SGK1: variants seen among roughly 807,000 people sequenced by gnomAD.
The protein encoded by SGK1 is serine/threonine-protein kinase Sgk1.
Under a neutral mutation model 64.2 loss-of-function variants are expected in SGK1, and 26 were observed. That is an observed-to-expected ratio of 0.40 (90% CI 0.30 to 0.56). The LOEUF (loss-of-function observed/expected upper bound fraction) is 0.56. Among genes scored for constraint, SGK1 ranks in the 20% least tolerant of loss-of-function variants. The pLI, the probability that SGK1 is intolerant of heterozygous loss-of-function variation, is 0.38. For synonymous variants in SGK1, 265 were observed against 239.7 expected, an observed-to-expected ratio of 1.11 and a Z score of -0.98; for missense variants, 519 against 645.6, an observed-to-expected ratio of 0.80 and a Z score of 2.12.
chr6:134,268,239 A>G lies in SGK1; in HGVS notation c.70-6091T>C, dbSNP rs187266585. 2.7e-3 allele frequency among the ~76,000 whole-genome samples: 412 copies of G among 152,314 alleles called. 1 individual carries two copies. Among genetic ancestry groups the G allele is most frequent in the African/African-American group, 9.2e-3 (381 of 41,578 alleles). On this transcript the variant is annotated intron_variant, in intron 1 of 13. Coordinates refer to ENST00000367858, the MANE Select transcript of SGK1 (RefSeq NM_001143676.3). ...TGAGTGGCTTTGGGAGCCCTTCATA[A>G]CAATGGCTGGAGGAGAGCTGCAGCA...
At chr6:134,282,519 G>GGC (rs1359729832) in intron 1 of SGK1, among the ~76,000 whole-genome samples, 1 of 151,648 alleles carries the variant, frequency 6.6e-6, no homozygotes, top group Non-Finnish European at 1.5e-5. Flanking sequence ...TGGGCATGGT[G>GGC]GCGCACACCT....
chr6:134,215,696 A>C (rs1336225135), intron 2 of SGK1, among the ~76,000 whole-genome samples: 2 of 151,360 alleles, frequency 1.3e-5, no homozygotes, highest in African/African-American at 4.9e-5. Flanking sequence ...GCCTGGCCAA[A>C]ATGGCAAAAC....
At position 134,170,186 on chromosome 6, in the gene SGK1, T is replaced by G; in HGVS notation, c.*82A>C. On this transcript the variant is annotated 3_prime_UTR_variant, in exon 14 of 14. Coordinates refer to ENST00000367858, the MANE Select transcript of SGK1 (RefSeq NM_001143676.3). ...GCAAATTCTCTTGTAAGATGTCCTGTCAGCTGGCGGCTCCACCAAAAGGCT... is the reference window on the plus strand; with the variant it reads ...GCAAATTCTCTTGTAAGATGTCCTGGCAGCTGGCGGCTCCACCAAAAGGCT... 1 of 1,196,460 alleles carries G rather than the reference T, an allele frequency of 8.4e-7. No homozygotes were observed. Among genetic ancestry groups the G allele is most frequent in the South Asian group, 1.5e-5 (1 of 67,096 alleles). 74.1% of individuals were successfully genotyped at this position (1,196,460 alleles called of 1,614,324 possible).
chr6:134,198,726 A>T (rs917536492), intron 3 of SGK1, among the ~76,000 whole-genome samples: 3,556 of 100,580 alleles, frequency 0.035, 5 homozygotes, highest in Middle Eastern at 0.059. Context: ...CTCTTTTTCT[A>T]TTTTTTTTTT....
chr6:134,170,487 G>C, intron 13 of SGK1, 52 bp from the exon 14 acceptor site: 1 of 1,527,094 alleles, frequency 6.5e-7, no homozygotes, highest in Non-Finnish European at 8.9e-7. Flanking sequence ...CTAGACACAG[G>C]ACAGGGAAAT....
intron 1 of SGK1, 126 bp from the exon 2 acceptor site, chr6:134,262,274 T>G: frequency 1.5e-6 from 1 of 646,778 alleles, no homozygotes; most frequent in Middle Eastern, 4.0e-4. Flanking sequence ...ACAACCTGTC[T>G]ATCTTTCAAA....
At chr6:134,199,286 T>C (rs1775644380) in intron 3 of SGK1, among the ~76,000 whole-genome samples, 1 of 152,098 alleles carries the variant, frequency 6.6e-6, no homozygotes, top group African/African-American at 2.4e-5. Flanking sequence ...TGGCCCGGCA[T>C]GGTGGCTCAC....
intron 3 of SGK1, chr6:134,176,102 T>A: frequency 1.8e-6 from 1 of 556,044 alleles, no homozygotes; most frequent in Non-Finnish European, 2.3e-6. Context: ...CGTGAGGAGG[T>A]AACAAGCGAA....
intron 1 of SGK1, among the ~76,000 whole-genome samples, chr6:134,287,444 CTT>C (rs761885493): frequency 3.3e-4 from 35 of 104,832 alleles, no homozygotes; most frequent in African/African-American, 8.2e-4. Flanking sequence ...GATAAGAAGG[CTT>C]TTTTTTTTTT....
intron 3 of SGK1, among the ~76,000 whole-genome samples, chr6:134,197,891 TAAAA>T (rs1459114317): frequency 3.5e-5 from 5 of 140,856 alleles, no homozygotes; most frequent in African/African-American, 1.4e-4. Flanking sequence ...TAAAATAAAA[TAAAA>T]TAAAATATAA....
intron 2 of SGK1, among the ~76,000 whole-genome samples, chr6:134,232,423 GAAAGAAAGAA>G (rs1776297214): frequency 4.3e-5 from 1 of 23,088 alleles, no homozygotes; most frequent in African/African-American, 1.6e-4. Context: ...GAGAAAGAAA[GAAAGAAAGAA>G]AGAAAGAAAG....
In SGK1 at chr6:134,317,843, G is replaced by T; in HGVS notation, c.-383C>A. The T allele has an allele frequency of 5.0e-6, 1 of 200,480 alleles. No individual in the cohort carries two copies. The highest frequency in any genetic ancestry group is 1.0e-5 in the Non-Finnish European group (1 of 99,204). 12.4% of individuals were successfully genotyped at this position (200,480 alleles called of 1,614,324 possible). On this transcript the variant is annotated 5_prime_UTR_variant, in exon 1 of 14. Coordinates refer to ENST00000367858, the MANE Select transcript of SGK1 (RefSeq NM_001143676.3). ...GCTGCTCTTCCGCGGCCGGCGCGGGGAGCGAGTCGCTCTTCTCCAGGTGAT... is the reference window on the plus strand; with the variant it reads ...GCTGCTCTTCCGCGGCCGGCGCGGGTAGCGAGTCGCTCTTCTCCAGGTGAT...
intron 2 of SGK1, among the ~76,000 whole-genome samples, chr6:134,227,123 G>T (rs1452541519): frequency 6.6e-6 from 1 of 151,980 alleles, no homozygotes; most frequent in African/African-American, 2.4e-5. Context: ...GCTCTGGCAT[G>T]TATGTCTTTA....
intron 2 of SGK1, among the ~76,000 whole-genome samples, chr6:134,252,508 A>G (rs1776619745): frequency 6.6e-6 from 1 of 152,108 alleles, no homozygotes; most frequent in Non-Finnish European, 1.5e-5. Flanking sequence ...TTAGCACAAG[A>G]AACAAATCTG....
At chr6:134,174,981 C>A (rs1250866101) in intron 3 of SGK1, 8 of 1,278,414 alleles carry the variant, frequency 6.3e-6, no homozygotes, top group Non-Finnish European at 8.3e-6. Context: ...CCGGCCGCCT[C>A]GCGGTTTGCT....
intron 2 of SGK1, among the ~76,000 whole-genome samples, chr6:134,243,665 G>A (rs56051417): frequency 0.032 from 4,875 of 152,160 alleles, 97 homozygotes; most frequent in Non-Finnish European, 0.037. Flanking sequence ...CACCGCGCCC[G>A]GCCATAACGT....
intron 1 of SGK1, among the ~76,000 whole-genome samples, chr6:134,302,963 C>G (rs1777480468): frequency 6.6e-6 from 1 of 152,044 alleles, no homozygotes; most frequent in South Asian, 2.1e-4. Flanking sequence ...CCATGTTGAC[C>G]AGGCTGATCT....
At chr6:134,238,792 T>C (rs939024549) in intron 2 of SGK1, among the ~76,000 whole-genome samples, 1 of 152,186 alleles carries the variant, frequency 6.6e-6, no homozygotes, top group Non-Finnish European at 1.5e-5. Context: ...AATGAGTTAC[T>C]CTGCAAAATG....
intron 1 of SGK1, among the ~76,000 whole-genome samples, chr6:134,302,974 C>T (rs1270196252): frequency 6.6e-6 from 1 of 152,002 alleles, no homozygotes; most frequent in Non-Finnish European, 1.5e-5. Context: ...AGGCTGATCT[C>T]GAAATTCTAA....
Sources: gnomAD v4.1 joint callset for allele counts (sites outside exome capture counted in the v4.1 genomes callset) on GRCh38, gnomAD v4.1.1 for gene constraint, MANE v1.5 for transcripts, NCBI Gene and HGNC (gene_info 2026-07-23, HGNC 2026-07-21) for gene names.